Variants in EPHA6 observed in about 807,000 individuals in gnomAD.
The protein encoded by EPHA6 is EPH receptor A6.
In EPHA6, 50 loss-of-function variants were observed where a neutral mutation model predicts 112.0. That is an observed-to-expected ratio of 0.45 (90% CI 0.36 to 0.56). The LOEUF (loss-of-function observed/expected upper bound fraction) is 0.56, where lower values mean the gene tolerates loss of function less well. EPHA6 is among the 20% of genes least tolerant of loss of function. The probability of loss-of-function intolerance (pLI) is 0.00; values close to 1 mark genes in which losing one functional copy is unlikely to be tolerated. For synonymous variants in EPHA6, 529 were observed against 490.7 expected (o/e 1.08, Z -1.03); for missense variants, 1,280 against 1,417.4 (o/e 0.90, Z 1.56).
intron 2 of EPHA6, among the ~76,000 whole-genome samples, chr3:96,967,958 A>G (rs189256463): frequency 2.6e-5 from 4 of 151,842 alleles, no homozygotes; most frequent in Non-Finnish European, 4.4e-5. Flanking sequence ...ATTGACATGT[A>G]TCCTTTGTCT....
At chr3:97,024,319 A>T (rs2044562336) in intron 3 of EPHA6, among the ~76,000 whole-genome samples, 1 of 152,166 alleles carries the variant, frequency 6.6e-6, no homozygotes. Flanking sequence ...AGGTGGTAAG[A>T]TATGATTAAT....
At chr3:96,971,249 T>G (rs1471736669) in intron 2 of EPHA6, among the ~76,000 whole-genome samples, 1 of 152,058 alleles carries the variant, frequency 6.6e-6, no homozygotes, top group African/African-American at 2.4e-5. Flanking sequence ...ATTTTAATCT[T>G]GTTAATAGGA....
chr3:97,241,775 T>G (rs541194465), intron 4 of EPHA6, among the ~76,000 whole-genome samples: 147 of 150,130 alleles, frequency 9.8e-4, no homozygotes, highest in Middle Eastern at 3.4e-3. Context: ...TTTTTTGTTT[T>G]TTTTTTTAGT....
chr3:97,583,356 G>T (rs1480383899), intron 11 of EPHA6, among the ~76,000 whole-genome samples: 1 of 151,814 alleles, frequency 6.6e-6, no homozygotes, highest in Non-Finnish European at 1.5e-5. Context: ...TGGCTAACAC[G>T]GTGAAACCCC....
chr3:97,581,489 T>C (rs939666482), intron 11 of EPHA6, among the ~76,000 whole-genome samples: 2 of 152,248 alleles, frequency 1.3e-5, no homozygotes, highest in Non-Finnish European at 2.9e-5. Flanking sequence ...AAATAATTTA[T>C]TGTAAGATAC....
intron 5 of EPHA6, among the ~76,000 whole-genome samples, chr3:97,310,157 C>A (rs2081489914): frequency 6.6e-6 from 1 of 151,526 alleles, no homozygotes. Flanking sequence ...TCCTCTCTTT[C>A]TACATTTTCA....
At chr3:96,820,920 T>C (rs575652172) in intron 1 of EPHA6, among the ~76,000 whole-genome samples, 1 of 152,096 alleles carries the variant, frequency 6.6e-6, no homozygotes, top group East Asian at 1.9e-4. Context: ...ATTTGACATA[T>C]GTACCAGTTT....
chr3:97,705,912 C>A (rs2033653400), intron 14 of EPHA6, among the ~76,000 whole-genome samples: 1 of 152,138 alleles, frequency 6.6e-6, no homozygotes, highest in Admixed American at 6.5e-5. Flanking sequence ...TCATGTTATG[C>A]CACGCAGTGC....
chr3:97,106,740 A>G (rs1455268376), intron 3 of EPHA6, among the ~76,000 whole-genome samples: 1 of 152,110 alleles, frequency 6.6e-6, no homozygotes, highest in Admixed American at 6.6e-5. Context: ...CCTGTAACAC[A>G]GGCTCACTGA....
chr3:97,074,817 C>G (rs1044023232), intron 3 of EPHA6, among the ~76,000 whole-genome samples: 15 of 152,052 alleles, frequency 9.9e-5, no homozygotes, highest in Non-Finnish European at 1.8e-4. Flanking sequence ...GTTCTCTGAA[C>G]TCTGGATATC....
intron 11 of EPHA6, among the ~76,000 whole-genome samples, chr3:97,535,520 T>C (rs2092751601): frequency 6.6e-6 from 1 of 152,078 alleles, no homozygotes; most frequent in Non-Finnish European, 1.5e-5. Context: ...AGGTTTATAT[T>C]GTTATCATCT....
chr3:97,044,731 G>A lies in EPHA6; in HGVS notation c.1114+56738G>A, dbSNP rs149859467. Among the ~76,000 whole-genome samples, 99 of 152,096 alleles carry A rather than the reference G, an allele frequency of 6.5e-4. No individual in the cohort carries two copies. In the East Asian group the frequency reaches 0.016, roughly 24 times the overall value. On this transcript the variant is annotated intron_variant, in intron 3 of 17. Transcript: ENST00000389672. ...TGTTCTAGGAAAAAAAAAAATCTCT[G>A]GATTTGTATGCGGGACACCGACTCA...
intron 5 of EPHA6, among the ~76,000 whole-genome samples, chr3:97,315,378 T>G (rs949769676): frequency 2.2e-4 from 33 of 151,744 alleles, no homozygotes; most frequent in African/African-American, 7.0e-4. Context: ...CATAACAACA[T>G]AAAATACAAT....
At chr3:97,357,556 G>T (rs141593038) in intron 5 of EPHA6, among the ~76,000 whole-genome samples, 1 of 152,186 alleles carries the variant, frequency 6.6e-6, no homozygotes, top group African/African-American at 2.4e-5. Flanking sequence ...CTTTTTATTG[G>T]AGAATTGAAT....
chr3:96,963,831 A>C (rs2042030101), intron 2 of EPHA6, among the ~76,000 whole-genome samples: 1 of 152,160 alleles, frequency 6.6e-6, no homozygotes, highest in African/African-American at 2.4e-5. Context: ...GAGTAAAATA[A>C]TAATTATATT....
Position 96,814,819 on chromosome 3 carries a change from G to T in EPHA6, c.196G>T (p.Asp66Tyr). The change falls in exon 1 of 18, where the codon GAC (aspartate) becomes TAC (tyrosine). Residue 66 changes from aspartate (D) to tyrosine (Y), a missense_variant. Transcript: ENST00000389672. ...AGAGGAGGAGGAGGAAGAAGACGTG[G>T]ACAAGGACCCCCATCCTACCCAGAA... ...EEEEEEEEDVDKDPHPTQNTC... is the reference protein window; with the variant it reads ...EEEEEEEEDVYKDPHPTQNTC... 6.3e-7 allele frequency: 1 copy of T among 1,594,122 alleles called. No homozygotes were observed. The highest frequency in any genetic ancestry group is 1.1e-5 in the South Asian group (1 of 89,020).
chr3:97,338,722 T>G (rs947479545), intron 5 of EPHA6, among the ~76,000 whole-genome samples: 1 of 152,166 alleles, frequency 6.6e-6, no homozygotes, highest in Non-Finnish European at 1.5e-5. Flanking sequence ...AACTACTGTT[T>G]GAAGTGAGAG....
At chr3:97,152,805 T>C (rs1467952345) in intron 3 of EPHA6, among the ~76,000 whole-genome samples, 1 of 152,148 alleles carries the variant, frequency 6.6e-6, no homozygotes, top group East Asian at 1.9e-4. Flanking sequence ...TTTCTTCTCA[T>C]GTGAGACAAA....
At chr3:97,417,367 A>G (rs2088210690) in intron 6 of EPHA6, among the ~76,000 whole-genome samples, 1 of 151,918 alleles carries the variant, frequency 6.6e-6, no homozygotes. Context: ...GGAATAAATG[A>G]TTGTATGAAT....
Sources: allele counts gnomAD v4.1 joint callset (sites outside exome capture counted in the v4.1 genomes callset), GRCh38; gene constraint gnomAD v4.1.1; transcripts MANE v1.5; gene names NCBI Gene and HGNC (gene_info 2026-07-23, HGNC 2026-07-21).